Variants in RBM26 observed in about 807,000 individuals in gnomAD.
RBM26 encodes the protein RNA binding motif protein 26.
In RBM26, 30 loss-of-function variants were observed where a neutral mutation model predicts 123.6. The observed-to-expected ratio is 0.24, with a 90% CI of 0.18 to 0.33. RBM26 has a LOEUF of 0.33. RBM26 is among the 10% of genes least tolerant of loss of function. The pLI, the probability that RBM26 is intolerant of heterozygous loss-of-function variation, is 1.00. For synonymous variants in RBM26, 400 were observed against 404.4 expected, an observed-to-expected ratio of 0.99 and a Z score of 0.13; for missense variants, 947 against 1,203.6, an observed-to-expected ratio of 0.79 and a Z score of 3.15.
intron 4 of RBM26, 46 bp from the exon 5 acceptor site, chr13:79,371,208 C>A: frequency 6.7e-7 from 1 of 1,481,848 alleles, no homozygotes; most frequent in Non-Finnish European, 9.3e-7. Context: ...TTTTAAGTGA[C>A]ACAGGAAAAA....
intron 17 of RBM26, among the ~76,000 whole-genome samples, 175 bp from the exon 18 acceptor site, chr13:79,341,402 C>A (rs2071355487): frequency 6.6e-6 from 1 of 151,804 alleles, no homozygotes; most frequent in Non-Finnish European, 1.5e-5. Flanking sequence ...GCAACAGCTT[C>A]CTAACTTGTT....
At chr13:79,389,060 A>C (rs889921527) in intron 1 of RBM26, among the ~76,000 whole-genome samples, 2 of 152,206 alleles carry the variant, frequency 1.3e-5, no homozygotes, top group Non-Finnish European at 2.9e-5. Flanking sequence ...TTTTTTATCA[A>C]CTTTTAAATT....
intron 14 of RBM26, among the ~76,000 whole-genome samples, chr13:79,345,458 AC>A (rs1178721497): frequency 6.6e-6 from 1 of 152,038 alleles, no homozygotes; most frequent in African/African-American, 2.4e-5. Flanking sequence ...GTAAAAAAAA[AC>A]GACCTGATAA....
intron 3 of RBM26, among the ~76,000 whole-genome samples, chr13:79,376,036 G>A (rs1036674702): frequency 6.6e-6 from 1 of 151,432 alleles, no homozygotes; most frequent in Non-Finnish European, 1.5e-5. Flanking sequence ...TTTCCATTTC[G>A]CAGCTGAGTA....
chr13:79,319,916 T>C lies in RBM26; in HGVS notation c.*705A>G. 2.0e-6 allele frequency: 1 copy of C among 493,022 alleles called. No individual in the cohort carries two copies. 30.5% of individuals were successfully genotyped at this position (493,022 alleles called of 1,614,324 possible). A position where few individuals can be genotyped will look rare whatever the true frequency, so the allele number is the denominator to read the frequency against. The stretch of plus-strand genomic sequence containing the variant: ...TTTTTTTCTTTTCTTTTTTCTTTTC[T>C]TTTTTTTTTTAAATCAAGGAACATT... On this transcript the variant is annotated 3_prime_UTR_variant, in exon 22 of 22. Transcript: ENST00000438737.
At chr13:79,321,076 A>G (rs962670090) in intron 21 of RBM26, among the ~76,000 whole-genome samples, 5 of 151,474 alleles carry the variant, frequency 3.3e-5, no homozygotes, top group African/African-American at 2.4e-5. Flanking sequence ...CTTGAATACT[A>G]AAATCAACCA....
chr13:79,332,544 C>T (rs989648434), intron 20 of RBM26, among the ~76,000 whole-genome samples: 15 of 152,130 alleles, frequency 9.9e-5, no homozygotes, highest in African/African-American at 3.4e-4. Flanking sequence ...GCTTTAACAA[C>T]TTTTGTAACT....
At chr13:79,394,368 C>T (rs1480171964) in intron 1 of RBM26, among the ~76,000 whole-genome samples, 13 of 152,152 alleles carry the variant, frequency 8.5e-5, no homozygotes, top group Admixed American at 2.6e-4. Context: ...AATTCTTCTG[C>T]CATTTGCGAG....
chr13:79,312,078 C>T (rs958037582), exon 5 of RBM26: 1 of 151,964 alleles, frequency 6.6e-6, no homozygotes, highest in East Asian at 1.9e-4. Context: ...CAATTGCTTT[C>T]GCTCCACTCA....
intron 1 of RBM26, among the ~76,000 whole-genome samples, chr13:79,388,027 T>C (rs1421450834): frequency 6.6e-6 from 1 of 152,196 alleles, no homozygotes; most frequent in Non-Finnish European, 1.5e-5. Flanking sequence ...ACCAACATTA[T>C]AGCAATCTAA....
At chr13:79,329,806 T>C (rs1307202527) in intron 20 of RBM26, among the ~76,000 whole-genome samples, 2 of 152,198 alleles carry the variant, frequency 1.3e-5, no homozygotes, top group Non-Finnish European at 2.9e-5. Flanking sequence ...TGACTGGATA[T>C]TTGATATTTA....
Position 79,360,753 on chromosome 13 carries a change from G to A in RBM26, c.1418-1067C>T, listed in dbSNP as rs148190067. Among the ~76,000 whole-genome samples the A allele has an allele frequency of 2.0e-5, 3 of 152,220 alleles. No individual in the cohort carries two copies. In the East Asian group the frequency reaches 5.8e-4, roughly 29 times the overall value. On this transcript the variant is annotated intron_variant, in intron 9 of 21. Transcript: ENST00000438737. The stretch of plus-strand genomic sequence containing the variant: ...GTCTAAAATACAGTGTAAAAGAGCT[G>A]TAAAAGTCTGTTACTTTCAACATTT...
At chr13:79,357,465 C>T (rs2074161064) in intron 11 of RBM26, among the ~76,000 whole-genome samples, 3 of 151,912 alleles carry the variant, frequency 2.0e-5, no homozygotes, top group African/African-American at 2.4e-5. Flanking sequence ...TAAAAAAACA[C>T]CCAAGTTACA....
At chr13:79,354,968 T>C (rs1305569416) in intron 12 of RBM26, among the ~76,000 whole-genome samples, 3 of 152,216 alleles carry the variant, frequency 2.0e-5, no homozygotes, top group Non-Finnish European at 4.4e-5. Flanking sequence ...TGAGTACTCC[T>C]ATCTGCCACG....
intron 9 of RBM26, among the ~76,000 whole-genome samples, chr13:79,360,507 C>A (rs1163527648): frequency 2.8e-5 from 4 of 143,750 alleles, no homozygotes; most frequent in Non-Finnish European, 6.2e-5. Flanking sequence ...ATATATATAT[C>A]AATGCACAAA....
chr13:79,392,817 GAACT>G (rs1392871919), intron 1 of RBM26, among the ~76,000 whole-genome samples: 3 of 147,228 alleles, frequency 2.0e-5, no homozygotes, highest in East Asian at 2.0e-4. Flanking sequence ...ATCTGTAAAT[GAACT>G]AACTATATTC....
At chr13:79,326,023 C>T (rs962243474) in intron 20 of RBM26, among the ~76,000 whole-genome samples, 1 of 152,136 alleles carries the variant, frequency 6.6e-6, no homozygotes, top group Admixed American at 6.6e-5. Context: ...CTAAGACCAA[C>T]GGGCTATATA....
intron 1 of RBM26, among the ~76,000 whole-genome samples, chr13:79,380,124 C>T (rs549785500): frequency 2.6e-4 from 40 of 152,112 alleles, no homozygotes; most frequent in Non-Finnish European, 5.0e-4. Flanking sequence ...CATATACTCA[C>T]GTGTTCAAAA....
At position 79,354,483 on chromosome 13, in the gene RBM26, T is replaced by C. The variant is rs533151289; in HGVS notation, c.1942A>G (p.Ile648Val). Residue 648 changes from isoleucine to valine, a missense_variant, in exon 13 of 22, where the codon ATT becomes GTT. Physicochemically the swap from Ile to Val is conservative, Grantham distance 29. Coordinates refer to ENST00000438737, the MANE Select transcript of RBM26 (RefSeq NM_001366735.2). Reference sequence around the variant, plus strand: ...GCACTCTGGGCTTCTGCAGGTTCAATAGTACTTGAAGGTACTGGACCCAGC... The same window carrying C: ...GCACTCTGGGCTTCTGCAGGTTCAACAGTACTTGAAGGTACTGGACCCAGC... Reference protein sequence around the residue: ...ERLGPVPSSTIEPAEAQSASS... With the variant: ...ERLGPVPSSTVEPAEAQSASS... The C allele has an allele frequency of 3.2e-5, 51 of 1,605,784 alleles. No homozygotes were observed. The highest frequency in any genetic ancestry group is 1.9e-4 in the South Asian group (17 of 89,806).
Sources: gnomAD v4.1 joint callset for allele counts (sites outside exome capture counted in the v4.1 genomes callset) on GRCh38, gnomAD v4.1.1 for gene constraint, MANE v1.5 for transcripts, NCBI Gene and HGNC (gene_info 2026-07-23, HGNC 2026-07-21) for gene names.